VWA8: variants seen among roughly 807,000 people sequenced by gnomAD.
VWA8 encodes von Willebrand factor A domain containing 8.
In VWA8, 221 loss-of-function variants were observed where a neutral mutation model predicts 241.5. That is an observed-to-expected ratio of 0.91 (90% CI 0.82 to 1.02). The LOEUF is 1.02. Among genes scored for constraint, VWA8 ranks in the 50% least tolerant of loss-of-function variants. VWA8 has a pLI of 0.00. For synonymous variants in VWA8, 852 were observed against 827.1 expected, an observed-to-expected ratio of 1.03 and a Z score of -0.52; for missense variants, 2,322 against 2,328.7, an observed-to-expected ratio of 1.00 and a Z score of 0.06.
intron 7 of VWA8, among the ~76,000 whole-genome samples, 163 bp from the exon 8 acceptor site, chr13:41,886,191 G>A (rs1372010991): frequency 1.3e-5 from 2 of 152,070 alleles, no homozygotes; most frequent in Non-Finnish European, 2.9e-5. Flanking sequence ...TTAAAACTCA[G>A]AAGCTGATTA....
In VWA8 at chr13:41,921,020, C is replaced by T. The variant is rs141498945; in HGVS notation, c.242-8852G>A. 1.9e-3 allele frequency among the ~76,000 whole-genome samples: 284 copies of T among 152,252 alleles called. 2 individuals carry two copies. Among genetic ancestry groups the T allele is most frequent in the Non-Finnish European group, 6.3e-4 (43 of 68,000 alleles). On this transcript the variant is annotated intron_variant, in intron 2 of 44. Transcript: ENST00000379310. ...TTAGACCAATATCCCTGATGAACATCGATGCAAAAATCCTCAATAAAATAC... is the reference window on the plus strand; with the variant it reads ...TTAGACCAATATCCCTGATGAACATTGATGCAAAAATCCTCAATAAAATAC...
intron 17 of VWA8, among the ~76,000 whole-genome samples, chr13:41,809,050 CA>C (rs1870351252): frequency 2.0e-5 from 3 of 151,842 alleles, no homozygotes; most frequent in African/African-American, 4.8e-5. Flanking sequence ...TAAACTTAAC[CA>C]AAGAAGGGAA....
intron 36 of VWA8, among the ~76,000 whole-genome samples, chr13:41,674,982 T>C (rs1215752360): frequency 6.6e-6 from 1 of 152,124 alleles, no homozygotes; most frequent in Non-Finnish European, 1.5e-5. Flanking sequence ...AACAAAGACT[T>C]GCAGGCTGTT....
intron 9 of VWA8, among the ~76,000 whole-genome samples, chr13:41,872,538 T>C (rs1207591309): frequency 1.3e-5 from 2 of 152,194 alleles, no homozygotes; most frequent in Non-Finnish European, 2.9e-5. Flanking sequence ...TAGCCAGTTT[T>C]CCCAGCACCA....
At chr13:41,709,769 C>CTTTTT (rs36103013) in intron 26 of VWA8, among the ~76,000 whole-genome samples, 2 of 146,878 alleles carry the variant, frequency 1.4e-5, no homozygotes, top group African/African-American at 2.5e-5. Context: ...CTGTCTCTCT[C>CTTTTT]TCTTTTTTTT....
intron 28 of VWA8, among the ~76,000 whole-genome samples, chr13:41,700,425 T>C (rs1180635387): frequency 2.6e-5 from 4 of 152,148 alleles, no homozygotes; most frequent in African/African-American, 9.6e-5. Flanking sequence ...AAACTGTAGA[T>C]GTTAGTTTCA....
At chr13:41,763,077 G>A (rs528218344) in intron 20 of VWA8, among the ~76,000 whole-genome samples, 1 of 152,016 alleles carries the variant, frequency 6.6e-6, no homozygotes, top group South Asian at 2.1e-4. Flanking sequence ...AGATCAGCCT[G>A]GGCAACACAG....
intron 35 of VWA8, among the ~76,000 whole-genome samples, chr13:41,682,193 T>A (rs974764947): frequency 6.6e-6 from 1 of 152,018 alleles, no homozygotes; most frequent in Non-Finnish European, 1.5e-5. Context: ...TGGAACACAA[T>A]AGAGAATCCA....
At chr13:41,639,124 CA>C (rs1324697080) in intron 37 of VWA8, among the ~76,000 whole-genome samples, 1 of 147,390 alleles carries the variant, frequency 6.8e-6, no homozygotes, top group East Asian at 2.0e-4. Context: ...GAAGACTGCA[CA>C]AAAAAAGTCA....
chr13:41,627,733 A>G (rs1380957177), intron 37 of VWA8, among the ~76,000 whole-genome samples: 4 of 152,148 alleles, frequency 2.6e-5, no homozygotes, highest in African/African-American at 9.7e-5. Flanking sequence ...AGGTGAAGAC[A>G]CCACCACTGG....
At chr13:41,829,397 AC>A (rs1566473262) in intron 14 of VWA8, among the ~76,000 whole-genome samples, 1 of 152,128 alleles carries the variant, frequency 6.6e-6, no homozygotes, top group South Asian at 2.1e-4. Flanking sequence ...CTGGGTATCT[AC>A]CCCCAAAAAA....
At chr13:41,892,239 T>A (rs1056453189) in intron 4 of VWA8, among the ~76,000 whole-genome samples, 2 of 152,132 alleles carry the variant, frequency 1.3e-5, no homozygotes, top group African/African-American at 4.8e-5. Context: ...TACAAAAAAA[T>A]TACTATAGAT....
At chr13:41,787,597 G>C in intron 17 of VWA8, 54 bp from the exon 18 acceptor site, 1 of 969,482 alleles carries the variant, frequency 1.0e-6, no homozygotes, top group Non-Finnish European at 1.6e-6. Flanking sequence ...AGCTTTCTGC[G>C]ATTCTTAAAT....
At chr13:41,699,353 G>A in intron 28 of VWA8, 83 bp from the exon 29 acceptor site, 1 of 1,296,872 alleles carries the variant, frequency 7.7e-7, no homozygotes, top group Non-Finnish European at 1.1e-6. Context: ...ACTGAATCAT[G>A]AATACACAGC....
intron 2 of VWA8, chr13:41,926,375 G>C (rs1876835781): frequency 1.8e-6 from 1 of 555,976 alleles, no homozygotes; most frequent in South Asian, 1.5e-5. Context: ...TGGATGAACT[G>C]GGATTCCTAA....
At chr13:41,927,487 G>A in intron 2 of VWA8, 2 of 196,172 alleles carry the variant, frequency 1.0e-5, no homozygotes, top group South Asian at 9.2e-5. Context: ...GAGAGACAAG[G>A]AATTAAGAAT....
intron 38 of VWA8, among the ~76,000 whole-genome samples, chr13:41,613,383 G>T (rs1013395178): frequency 6.6e-6 from 1 of 152,202 alleles, no homozygotes; most frequent in Non-Finnish European, 1.5e-5. Flanking sequence ...AGGCAGAGGG[G>T]TACAGTAACT....
chr13:41,839,335 G>A (rs1479043105), intron 12 of VWA8, among the ~76,000 whole-genome samples: 1 of 152,050 alleles, frequency 6.6e-6, no homozygotes, highest in East Asian at 1.9e-4. Flanking sequence ...CCCACTGTTT[G>A]ATGGGGTTTT....
At chr13:41,839,837 T>C (rs570989992) in intron 12 of VWA8, among the ~76,000 whole-genome samples, 2 of 152,306 alleles carry the variant, frequency 1.3e-5, no homozygotes, top group East Asian at 1.9e-4. Context: ...TTCCTTAGAA[T>C]TGTCTTGGCT....
Sources: gnomAD v4.1 joint callset for allele counts (sites outside exome capture counted in the v4.1 genomes callset) on GRCh38, gnomAD v4.1.1 for gene constraint, MANE v1.5 for transcripts, NCBI Gene and HGNC (gene_info 2026-07-23, HGNC 2026-07-21) for gene names.